The following FRMPD1 variants were observed in gnomAD, a reference collection of about 807,000 sequenced individuals.
FRMPD1 encodes FERM and PDZ domain containing 1.
In FRMPD1, 76 loss-of-function variants were observed where a neutral mutation model predicts 117.8. That is an observed-to-expected ratio of 0.65 (90% confidence interval 0.54 to 0.78). The LOEUF is 0.78. FRMPD1 is among the 30% of genes least tolerant of loss of function. The pLI is 0.00. For synonymous variants in FRMPD1, 783 were observed against 770.4 expected (o/e 1.02, Z -0.27); for missense variants, 1,786 against 1,964.5 (o/e 0.91, Z 1.72).
chr9:37,639,016 T>C, the FRMPD1 span, among the ~76,000 whole-genome samples: 2 of 152,226 alleles, frequency 1.3e-5, no homozygotes, highest in Admixed American at 1.3e-4. Flanking sequence ...ATAGGTTAAG[T>C]AGTTAGATCC....
At chr9:37,734,577 T>C (rs1824038057) in intron 12 of FRMPD1, among the ~76,000 whole-genome samples, 1 of 151,864 alleles carries the variant, frequency 6.6e-6, no homozygotes, top group Non-Finnish European at 1.5e-5. Flanking sequence ...ACAAAACCAA[T>C]TTACAATTAG....
At chr9:37,661,617 C>T (rs955349265) in intron 1 of FRMPD1, 2 of 152,130 alleles carry the variant, frequency 1.3e-5, no homozygotes, top group African/African-American at 4.8e-5. Context: ...GCATTCCTGA[C>T]ATGTTTGTTT....
chr9:37,638,496 C>T, the FRMPD1 span, among the ~76,000 whole-genome samples: 1 of 152,190 alleles, frequency 6.6e-6, no homozygotes, highest in Admixed American at 6.5e-5. Context: ...ACTCTGCCCA[C>T]AGATTTTCAG....
At chr9:37,681,760 G>A (rs1157285321) in intron 1 of FRMPD1, among the ~76,000 whole-genome samples, 2 of 152,142 alleles carry the variant, frequency 1.3e-5, no homozygotes, top group African/African-American at 2.4e-5. Context: ...AACAAATCTC[G>A]ATTGAGCTGA....
intron 1 of FRMPD1, among the ~76,000 whole-genome samples, chr9:37,691,143 G>T (rs531395940): frequency 5.4e-4 from 82 of 152,352 alleles, no homozygotes; most frequent in South Asian, 2.3e-3. Context: ...CATTCAGTTA[G>T]AAGAGTTTTA....
Position 37,724,254 on chromosome 9 carries a change from G to T in FRMPD1, c.546G>T (p.Val182=), listed in dbSNP as rs1823525583. The change falls in exon 7 of 16, where the codon GTG becomes GTT. Residue 182 remains valine (V), a synonymous_variant. Coordinates refer to ENST00000377765, the MANE Select transcript of FRMPD1 (RefSeq NM_014907.3). ...QGNSLLCMPN[V]LKLYLENGQT... is the part of the protein sequence containing the mutation. ...ATTCTCTGCTGTGTATGCCCAACGT[G>T]CTCAAGCTATACTTGGAGAATGGAC... 2 of 1,600,396 alleles carry T rather than the reference G, an allele frequency of 1.2e-6. No individual in the cohort carries two copies. The highest frequency in any genetic ancestry group is 2.7e-5 in the African/African-American group (2 of 74,666).
chr9:37,722,035 G>A (rs1321606491), intron 6 of FRMPD1, among the ~76,000 whole-genome samples: 1 of 152,142 alleles, frequency 6.6e-6, no homozygotes, highest in Non-Finnish European at 1.5e-5. Context: ...CACAAAGAAA[G>A]TACTAAGGAA....
the FRMPD1 span, among the ~76,000 whole-genome samples, chr9:37,611,804 G>A: frequency 1.3e-5 from 2 of 152,130 alleles, no homozygotes; most frequent in East Asian, 1.9e-4. Flanking sequence ...GCAGAGCTTG[G>A]CATACAGTAA....
At chr9:37,622,657 A>G in the FRMPD1 span, among the ~76,000 whole-genome samples, 1 of 152,348 alleles carries the variant, frequency 6.6e-6, no homozygotes, top group Admixed American at 6.5e-5. Context: ...CCTCGGATTA[A>G]TGCCATCATC....
At position 37,744,942 on chromosome 9, in the gene FRMPD1, C is replaced by G. The variant is rs753385573; in HGVS notation, c.2910C>G (p.His970Gln). 4 of 1,614,232 alleles carry G rather than the reference C, an allele frequency of 2.5e-6. No individual in the cohort carries two copies. The highest frequency in any genetic ancestry group is 3.4e-6 in the Non-Finnish European group (4 of 1,180,036). ...CCAGCTCCTCAGCAAGCACTCCTCA[C>G]TGTTCTAACCCAGGTTCATCTGGCC... is the stretch of plus-strand genomic sequence containing the variant. ...PAASSSASTP[H>Q]CSNPGSSGPD... The change falls in exon 16 of 16, where the codon CAC becomes CAG. Residue 970 changes from histidine (H) to glutamine (Q), a missense_variant. By Grantham distance (24) the His-to-Gln change is conservative. Transcript: ENST00000377765.
At chr9:37,643,386 T>C in the FRMPD1 span, among the ~76,000 whole-genome samples, 1 of 152,206 alleles carries the variant, frequency 6.6e-6, no homozygotes, top group Non-Finnish European at 1.5e-5. Context: ...TAATTTCTAT[T>C]TCTTTTTAAT....
intron 4 of FRMPD1, among the ~76,000 whole-genome samples, chr9:37,709,396 T>G (rs907383256): frequency 2.6e-5 from 4 of 151,324 alleles, no homozygotes; most frequent in Non-Finnish European, 5.9e-5. Context: ...CTGTGTTGCC[T>G]AGGCTGGTCT....
chr9:37,666,209 C>A (rs1319979378), intron 1 of FRMPD1, among the ~76,000 whole-genome samples: 1 of 152,082 alleles, frequency 6.6e-6, no homozygotes. Flanking sequence ...TTTTGGGTGT[C>A]TTCTTCACAG....
the FRMPD1 span, among the ~76,000 whole-genome samples, chr9:37,630,475 G>T: frequency 3.6e-4 from 55 of 152,180 alleles, no homozygotes; most frequent in African/African-American, 1.3e-3. Context: ...TCCGCCTCCT[G>T]GTTCAAGCGA....
chr9:37,737,018 T>G (rs750241320), intron 13 of FRMPD1, 78 bp from the exon 14 acceptor site: 2 of 1,110,068 alleles, frequency 1.8e-6, no homozygotes, highest in Non-Finnish European at 2.7e-6. Flanking sequence ...CTCTCGTTGG[T>G]CCCACATGGC....
intron 1 of FRMPD1, among the ~76,000 whole-genome samples, chr9:37,666,403 C>T (rs142777821): frequency 1.8e-3 from 276 of 152,264 alleles, no homozygotes; most frequent in African/African-American, 6.3e-3. Flanking sequence ...ACTCCTACCC[C>T]GATACCTCCA....
chr9:37,609,214 C>T, the FRMPD1 span, among the ~76,000 whole-genome samples: 4 of 152,030 alleles, frequency 2.6e-5, no homozygotes, highest in African/African-American at 9.7e-5. Context: ...ATCACTTGAA[C>T]CTGGGAGGCG....
chr9:37,627,319 C>T, the FRMPD1 span, among the ~76,000 whole-genome samples: 89 of 152,308 alleles, frequency 5.8e-4, 1 homozygote, highest in Non-Finnish European at 9.4e-4. Context: ...CCTCTACCTT[C>T]TTCAATTTCT....
chr9:37,734,989 G>A (rs1446796851), intron 12 of FRMPD1, among the ~76,000 whole-genome samples: 1 of 152,162 alleles, frequency 6.6e-6, no homozygotes, highest in African/African-American at 2.4e-5. Context: ...ACAGGTTCAG[G>A]GTGCTTGCTG....
Sources: allele counts gnomAD v4.1 joint callset (sites outside exome capture counted in the v4.1 genomes callset), GRCh38; gene constraint gnomAD v4.1.1; transcripts MANE v1.5; gene names NCBI Gene and HGNC (gene_info 2026-07-23, HGNC 2026-07-21).